The following CREBBP variants were observed in gnomAD, a reference collection of about 807,000 sequenced individuals.
CREBBP encodes the protein CREB binding lysine acetyltransferase.
A neutral mutation model predicts 265.0 loss-of-function variants in CREBBP; 19 were observed. The ratio of observed to expected loss-of-function variants is 0.07; its 90% CI spans 0.05 to 0.11. The LOEUF is 0.11. Ranked by LOEUF, CREBBP falls within the 10% of genes least tolerant of loss-of-function variation. The probability of loss-of-function intolerance (pLI) is 1.00; values close to 1 mark genes in which losing one functional copy is unlikely to be tolerated. For synonymous variants in CREBBP, 1,457 were observed against 1,223.7 expected (o/e 1.19, Z -3.98); for missense variants, 2,525 against 3,219.0 (o/e 0.78, Z 5.22).
At chr16:3,836,580 TGGGTAAA>T in intron 2 of CREBBP, among the ~76,000 whole-genome samples, 1 of 152,076 alleles carries the variant, frequency 6.6e-6, no homozygotes, top group East Asian at 1.9e-4. Context: ...GTGGGTTACA[TGGGTAAA>T]GGGTTTTGAC....
In CREBBP at chr16:3,773,853, C is replaced by T. The variant is rs112526570; in HGVS notation, c.2361G>A (p.Ala787=). 1.3e-5 allele frequency: 21 copies of T among 1,612,248 alleles called. No homozygotes were observed. The highest frequency in any genetic ancestry group is 9.9e-5 in the South Asian group (9 of 91,014). Reference sequence around the variant, plus strand: ...GTGGCAGAAACTGGCTCTGAGCGGGCGCCTGGGCCATCATGTTGTTGGTGT... The same window carrying T: ...GTGGCAGAAACTGGCTCTGAGCGGGTGCCTGGGCCATCATGTTGTTGGTGT... ...GAHTNNMMAQ[A]PAQSQFLPQN... is the part of the protein sequence containing the mutation. The change falls in exon 13 of 31, where the codon GCG becomes GCA. Residue 787 remains alanine (A), a synonymous_variant. Transcript: ENST00000262367.
At position 3,746,674 on chromosome 16, in the gene CREBBP, C is replaced by G. The variant is rs73493521; in HGVS notation, c.3837-1320G>C. On this transcript the variant is annotated intron_variant, in intron 21 of 30. Coordinates refer to ENST00000262367, the MANE Select transcript of CREBBP (RefSeq NM_004380.3). ...CCCAAAACTACACTGGGGACAGGTGCAGTGGCTCACACCTGTAATCCTAGC... is the reference window on the plus strand; with the variant it reads ...CCCAAAACTACACTGGGGACAGGTGGAGTGGCTCACACCTGTAATCCTAGC... Among the ~76,000 whole-genome samples the G allele has an allele frequency of 3.9e-5, 6 of 152,280 alleles. No homozygotes were observed. In the South Asian group the frequency reaches 6.2e-4, roughly 16 times the overall value.
intron 5 of CREBBP, among the ~76,000 whole-genome samples, chr16:3,791,773 T>G (rs1292369521): frequency 6.6e-6 from 1 of 151,970 alleles, no homozygotes; most frequent in East Asian, 1.9e-4. Flanking sequence ...AGTGAGTGAG[T>G]CAGGGTCCAA....
At chr16:3,852,932 G>C (rs556520610) in intron 1 of CREBBP, among the ~76,000 whole-genome samples, 35 of 143,794 alleles carry the variant, frequency 2.4e-4, no homozygotes, top group African/African-American at 8.8e-4. Flanking sequence ...GAAGTATGTA[G>C]AAATATGTTC....
chr16:3,730,694 T>A (rs373775326), intron 30 of CREBBP: 3 of 186,386 alleles, frequency 1.6e-5, no homozygotes, highest in Non-Finnish European at 3.4e-5. Context: ...AGGCTCCGGG[T>A]TGGCAGGTGA....
At chr16:3,803,995 A>T (rs183881653) in intron 3 of CREBBP, among the ~76,000 whole-genome samples, 1 of 152,004 alleles carries the variant, frequency 6.6e-6, no homozygotes, top group Admixed American at 6.6e-5. Flanking sequence ...AAGTGGGAGG[A>T]TCGCTTGAGC....
intron 15 of CREBBP, among the ~76,000 whole-genome samples, chr16:3,768,573 T>C (rs1431784912): frequency 3.3e-5 from 5 of 152,212 alleles, no homozygotes; most frequent in African/African-American, 1.2e-4. Flanking sequence ...AAAGTCCTTC[T>C]CAGAGGCAGG....
intron 1 of CREBBP, among the ~76,000 whole-genome samples, chr16:3,868,630 T>C (rs552943517): frequency 3.3e-5 from 5 of 152,258 alleles, no homozygotes; most frequent in Admixed American, 3.3e-4. Context: ...AAGCTGATGC[T>C]CTACTCACCC....
chr16:3,736,939 T>C (rs1177670588), intron 26 of CREBBP, 124 bp from the exon 27 acceptor site: 5 of 1,200,224 alleles, frequency 4.2e-6, no homozygotes, highest in Non-Finnish European at 4.8e-6. Context: ...AGAGAATGAA[T>C]GCCCACAAAG....
At chr16:3,828,162 G>A (rs184904989) in intron 2 of CREBBP, among the ~76,000 whole-genome samples, 123 of 151,712 alleles carry the variant, frequency 8.1e-4, no homozygotes, top group African/African-American at 2.8e-3. Context: ...GCGCAACCTC[G>A]GCTCACCGCA....
At position 3,767,778 on chromosome 16, in the gene CREBBP, C is replaced by T. The variant is rs1064794818; in HGVS notation, c.3192G>A (p.Glu1064=). 2 of 1,614,226 alleles carry T rather than the reference C, an allele frequency of 1.2e-6. No individual in the cohort carries two copies. Among genetic ancestry groups the T allele is most frequent in the Non-Finnish European group, 1.7e-6 (2 of 1,180,042 alleles). Residue 1064 remains glutamate (E), a synonymous_variant, in exon 16 of 31, where the codon GAG becomes GAA. Transcript: ENST00000262367. ...GAGAGGCTGTGCCGTTACTGCTACT[C>T]TCTTCTTCCTCTTTAACTTCTACTT... ...EVKVEVKEEE[E]SSSNGTASQS...
intron 3 of CREBBP, among the ~76,000 whole-genome samples, chr16:3,808,272 T>C (rs777667495): frequency 2.0e-5 from 3 of 152,166 alleles, no homozygotes; most frequent in African/African-American, 7.2e-5. Flanking sequence ...CTTCTCCTAA[T>C]TACTCTCCAG....
At chr16:3,795,904 T>C (rs944391392) in intron 3 of CREBBP, among the ~76,000 whole-genome samples, 6 of 152,236 alleles carry the variant, frequency 3.9e-5, no homozygotes, top group Non-Finnish European at 8.8e-5. Flanking sequence ...CCATCCTTCT[T>C]GGGCATCAGC....
chr16:3,767,928 G>A lies in CREBBP; in HGVS notation c.3061-19C>T, dbSNP rs2141184178. The A allele has an allele frequency of 6.2e-7, 1 of 1,611,618 alleles. No homozygotes were observed. The highest frequency in any genetic ancestry group is 1.1e-5 in the South Asian group (1 of 91,018). ...CCATCATCTTGAGAAAAACATTACA[G>A]ATAACATATGAATATCAAACACCTT... is the stretch of plus-strand genomic sequence containing the variant. On this transcript the variant is annotated intron_variant, in intron 15 of 30. Coordinates refer to ENST00000262367, the MANE Select transcript of CREBBP (RefSeq NM_004380.3).
At chr16:3,801,066 A>G (rs2053702666) in intron 3 of CREBBP, among the ~76,000 whole-genome samples, 1 of 150,260 alleles carries the variant, frequency 6.7e-6, no homozygotes, top group South Asian at 2.2e-4. Context: ...CCCCGAGGGA[A>G]GAGTACTCTG....
Position 3,731,740 on chromosome 16 carries a change from C to T in CREBBP, c.4890+36G>A, listed in dbSNP as rs2151318542. 1 of 1,613,890 alleles carries T rather than the reference C, an allele frequency of 6.2e-7. No homozygotes were observed. The highest frequency in any genetic ancestry group is 8.5e-7 in the Non-Finnish European group (1 of 1,179,886). ...CTGCGAGTCTTTCCCTCCTCCCGGC[C>T]AGAGGCACGGCTGCAGCACCGCAGC... On this transcript the variant is annotated intron_variant, in intron 29 of 30. Coordinates refer to ENST00000262367, the MANE Select transcript of CREBBP (RefSeq NM_004380.3). This position sits in a 1 kb window ranked among gnomAD's most constrained non-coding sequence, Gnocchi z 7.7.
intron 6 of CREBBP, among the ~76,000 whole-genome samples, chr16:3,781,580 G>A (rs959335645): frequency 1.3e-5 from 2 of 152,106 alleles, no homozygotes; most frequent in African/African-American, 4.8e-5. Flanking sequence ...CTATCTAAGT[G>A]AAAAAGTTAT....
chr16:3,757,699 G>T, intron 18 of CREBBP, 110 bp downstream of exon 18: 8 of 1,466,064 alleles, frequency 5.5e-6, no homozygotes, highest in Non-Finnish European at 6.6e-6. Flanking sequence ...CCAGACAGCA[G>T]ATTGCACATA....
intron 5 of CREBBP, among the ~76,000 whole-genome samples, chr16:3,788,297 C>T (rs8046065): frequency 0.18 from 27,382 of 152,202 alleles, 2,863 homozygotes; most frequent in Middle Eastern, 0.28. Context: ...GCACACTAAT[C>T]ACCCAGGATT....
Sources: allele counts gnomAD v4.1 joint callset (sites outside exome capture counted in the v4.1 genomes callset), GRCh38; gene constraint gnomAD v4.1.1; non-coding constraint Gnocchi (gnomAD v3.1); transcripts MANE v1.5; gene names NCBI Gene and HGNC (gene_info 2026-07-23, HGNC 2026-07-21).